Variants in HMCN1 observed in about 807,000 individuals in gnomAD.
HMCN1 encodes the protein hemicentin 1, also known as hemicentin-1.
A neutral mutation model predicts 625.9 loss-of-function variants in HMCN1; 321 were observed. The observed-to-expected ratio is 0.51, with a 90% confidence interval of 0.47 to 0.56. The LOEUF is 0.56. Ranked by LOEUF, HMCN1 falls within the 20% of genes least tolerant of loss-of-function variation. The pLI, the probability that HMCN1 is intolerant of heterozygous loss-of-function variation, is 0.00. For missense variants in HMCN1, 6,588 were observed against 6,887.3 expected (o/e 0.96, Z 1.54); for synonymous variants, 2,425 against 2,417.6 (o/e 1.00, Z -0.09).
At chr1:185,984,713 A>G (rs1651894041) in intron 19 of HMCN1, among the ~76,000 whole-genome samples, 1 of 152,224 alleles carries the variant, frequency 6.6e-6, no homozygotes, top group South Asian at 2.1e-4. Flanking sequence ...TGCTTGAGCT[A>G]GAAATGACCT....
At chr1:186,016,656 G>A (rs1236444690) in intron 32 of HMCN1, among the ~76,000 whole-genome samples, 1 of 151,784 alleles carries the variant, frequency 6.6e-6, no homozygotes, top group Non-Finnish European at 1.5e-5. Context: ...CCAATTTTGG[G>A]GGTTTCTTTC....
intron 48 of HMCN1, among the ~76,000 whole-genome samples, chr1:186,064,337 C>T (rs1454482011): frequency 6.6e-6 from 1 of 151,672 alleles, no homozygotes; most frequent in Admixed American, 6.6e-5. Flanking sequence ...GGATCTCTTC[C>T]TAGAGGCTGT....
rs756290854 is a variant in HMCN1 at position 185,865,770 on chromosome 1, T to C, written c.528T>C (p.Asp176=). Residue 176 remains aspartate (D), a synonymous_variant, in exon 4 of 107, where the codon GAT becomes GAC. Transcript: ENST00000271588. ...TATTTGTTCTGACTGGAGATTGTGA[T>C]GACAGGACCCATATTGGATATAAAG... ...QVVFVLTGDC[D]DRTHIGYKVY... 13 of 1,612,072 alleles carry C rather than the reference T, an allele frequency of 8.1e-6. No individual in the cohort carries two copies. Among genetic ancestry groups the C allele is most frequent in the East Asian group, 2.2e-5 (1 of 44,768 alleles).
At chr1:186,033,188 C>A (rs1445107882) in intron 36 of HMCN1, among the ~76,000 whole-genome samples, 1 of 151,958 alleles carries the variant, frequency 6.6e-6, no homozygotes, top group African/African-American at 2.4e-5. Context: ...AGTGAAGTAA[C>A]CCAGGAATGG....
At chr1:186,032,032 T>C (rs1358603118) in intron 36 of HMCN1, among the ~76,000 whole-genome samples, 1 of 151,684 alleles carries the variant, frequency 6.6e-6, no homozygotes, top group Non-Finnish European at 1.5e-5. Context: ...TATATAGTAT[T>C]TGTTACAAAA....
At chr1:186,153,143 A>G (rs950749168) in intron 96 of HMCN1, among the ~76,000 whole-genome samples, 2 of 152,238 alleles carry the variant, frequency 1.3e-5, no homozygotes, top group African/African-American at 4.8e-5. Context: ...GAGGATAGTA[A>G]TTCTTGCATA....
chr1:185,797,673 A>T (rs1435963554), intron 1 of HMCN1, among the ~76,000 whole-genome samples: 2 of 147,756 alleles, frequency 1.4e-5, no homozygotes, highest in Non-Finnish European at 2.9e-5. Context: ...ATTGCTTTAT[A>T]AGACTTGTTT....
chr1:185,742,182 C>T (rs1482786959), intron 1 of HMCN1, among the ~76,000 whole-genome samples: 1 of 152,100 alleles, frequency 6.6e-6, no homozygotes, highest in Non-Finnish European at 1.5e-5. Context: ...GTTTCTCCAT[C>T]TATAAAATTA....
intron 2 of HMCN1, among the ~76,000 whole-genome samples, chr1:185,862,948 G>A (rs1558023117): frequency 6.6e-6 from 1 of 152,006 alleles, no homozygotes; most frequent in South Asian, 2.1e-4. Context: ...AGTTTTGATC[G>A]GGATCCAGTA....
At position 185,984,320 on chromosome 1, in the gene HMCN1, G is replaced by A. The variant is rs778464000; in HGVS notation, c.2935+7G>A. 2 of 1,613,682 alleles carry A rather than the reference G, an allele frequency of 1.2e-6. No individual in the cohort carries two copies. The highest frequency in any genetic ancestry group is 2.2e-5 in the South Asian group (2 of 91,072). On this transcript the variant is annotated splice_region_variant and intron_variant, in intron 19 of 106. Coordinates refer to ENST00000271588, the MANE Select transcript of HMCN1 (RefSeq NM_031935.3). ...ACCTCTGTGGTTGTGCATGGTAAGAGACACACCCAATGTTATTGTTTCGAA... is the reference window on the plus strand; with the variant it reads ...ACCTCTGTGGTTGTGCATGGTAAGAAACACACCCAATGTTATTGTTTCGAA...
chr1:185,799,658 T>C (rs1006163696), intron 1 of HMCN1, among the ~76,000 whole-genome samples: 4 of 151,282 alleles, frequency 2.6e-5, no homozygotes, highest in Admixed American at 2.6e-4. Flanking sequence ...GTAGCTGGGG[T>C]GTTTAGGGGC....
chr1:185,977,801 A>G lies in HMCN1; in HGVS notation c.2386A>G (p.Ile796Val), dbSNP rs758086230. 1.9e-6 allele frequency: 3 copies of G among 1,612,240 alleles called. No homozygotes were observed. Among genetic ancestry groups the G allele is most frequent in the African/African-American group, 2.7e-5 (2 of 74,880 alleles). ...ATGTCTTCCAGCACCTCCAGTTTTCATACAAGAACCTGCTGATGTGTCTAT... is the reference window on the plus strand; with the variant it reads ...ATGTCTTCCAGCACCTCCAGTTTTCGTACAAGAACCTGCTGATGTGTCTAT... ...TLDVGSPPVF[I>V]QEPADVSMEI... The change falls in exon 16 of 107, where the codon ATA becomes GTA. Residue 796 changes from isoleucine to valine, a missense_variant. Physicochemically the swap from Ile to Val is conservative, Grantham distance 29. This residue lies in a region of HMCN1 where 4,628 missense variants were observed against 4,853.1 expected (regional missense o/e 0.95). Coordinates refer to ENST00000271588, the MANE Select transcript of HMCN1 (RefSeq NM_031935.3).
Position 185,734,896 on chromosome 1 carries a change from C to G in HMCN1, c.117C>G (p.Ala39=). ...EIRAEEIPEG[A]STLAFVFDVT... is the part of the protein sequence containing the mutation. ...GAGCTGAGGAAATTCCCGAGGGGGC[C>G]TCCACGTTGGCTTTTGTGTTTGATG... Residue 39 remains alanine (A), a synonymous_variant, in exon 1 of 107, where the codon GCC becomes GCG. Transcript: ENST00000271588. 1 of 1,614,178 alleles carries G rather than the reference C, an allele frequency of 6.2e-7. No homozygotes were observed. Among genetic ancestry groups the G allele is most frequent in the Non-Finnish European group, 8.5e-7 (1 of 1,180,016 alleles).
At chr1:186,035,934 C>A (rs1655790796) in intron 36 of HMCN1, among the ~76,000 whole-genome samples, 1 of 152,108 alleles carries the variant, frequency 6.6e-6, no homozygotes, top group Non-Finnish European at 1.5e-5. Context: ...TTTCACTACA[C>A]AGCCAATTTC....
At chr1:186,103,737 T>C (rs1485601719) in intron 69 of HMCN1, 69 bp downstream of exon 69, 8 of 1,306,112 alleles carry the variant, frequency 6.1e-6, no homozygotes, top group Non-Finnish European at 7.6e-6. Flanking sequence ...ATATGAGATT[T>C]GTTAAATTAT....
chr1:185,819,588 C>T (rs557381606), intron 1 of HMCN1, among the ~76,000 whole-genome samples: 5 of 152,068 alleles, frequency 3.3e-5, no homozygotes, highest in Admixed American at 6.6e-5. Context: ...GTTATTCTTG[C>T]GGTCTTTTTT....
chr1:185,845,791 A>ACTCCTCCTT (rs1661775104), intron 1 of HMCN1, among the ~76,000 whole-genome samples: 1 of 152,152 alleles, frequency 6.6e-6, no homozygotes, highest in Admixed American at 6.5e-5. Flanking sequence ...TGACTATTTT[A>ACTCCTCCTT]CTCCTCCTTG....
Position 186,088,692 on chromosome 1 carries a change from T to C in HMCN1, c.9664T>C (p.Tyr3222His), listed in dbSNP as rs756674836. ...ARSQHSDSGN[Y>H]TCIASNMEGK... ...GTCTCAGCATTCAGATAGTGGAAAC[T>C]ATACATGTATTGCTTCAAATATGGA... is the stretch of plus-strand genomic sequence containing the variant. The change falls in exon 63 of 107, where the codon TAT (tyrosine) becomes CAT (histidine). Residue 3222 changes from tyrosine (Y) to histidine (H), a missense_variant. Physicochemically the swap from Tyr to His is moderately conservative, Grantham distance 83. Coordinates refer to ENST00000271588, the MANE Select transcript of HMCN1 (RefSeq NM_031935.3). 1 of 1,611,760 alleles carries C rather than the reference T, an allele frequency of 6.2e-7. No individual in the cohort carries two copies. Among genetic ancestry groups the C allele is most frequent in the Non-Finnish European group, 8.5e-7 (1 of 1,178,608 alleles).
chr1:185,810,709 C>T (rs1659462314), intron 1 of HMCN1, among the ~76,000 whole-genome samples: 1 of 151,392 alleles, frequency 6.6e-6, no homozygotes, highest in Non-Finnish European at 1.5e-5. Flanking sequence ...GTGCACAACA[C>T]AGGAAGACCA....
Sources: gnomAD v4.1 joint callset for allele counts (sites outside exome capture counted in the v4.1 genomes callset) on GRCh38, gnomAD v4.1.1 for gene constraint, gnomAD v4.1.1 regional missense constraint, MANE v1.5 for transcripts, NCBI Gene and HGNC (gene_info 2026-07-23, HGNC 2026-07-21) for gene names.